The following DLGAP1 variants were observed in gnomAD, a reference collection of about 807,000 sequenced individuals.
The protein encoded by DLGAP1 is disks large-associated protein 1.
DLGAP1 carries 11 observed loss-of-function variants against 90.8 expected under a neutral mutation model. That is an observed-to-expected ratio of 0.12 (90% CI 0.08 to 0.20). DLGAP1 has a LOEUF of 0.20. Among genes scored for constraint, DLGAP1 ranks in the 10% least tolerant of loss-of-function variants. DLGAP1 has a pLI of 1.00. For synonymous variants in DLGAP1, 558 were observed against 540.7 expected (o/e 1.03, Z -0.44); for missense variants, 1,050 against 1,333.8 (o/e 0.79, Z 3.31).
intron 1 of DLGAP1, among the ~76,000 whole-genome samples, chr18:4,184,137 G>A (rs1422231652): frequency 6.6e-6 from 1 of 152,056 alleles, no homozygotes; most frequent in Middle Eastern, 3.2e-3. Context: ...TTCCTACATT[G>A]GGTCTAACAT....
chr18:4,085,982 A>G (rs1255980396), intron 2 of DLGAP1, among the ~76,000 whole-genome samples: 2 of 152,216 alleles, frequency 1.3e-5, no homozygotes, highest in Non-Finnish European at 2.9e-5. Flanking sequence ...AATTGGTAAC[A>G]TAAATAAGAC....
intron 7 of DLGAP1, among the ~76,000 whole-genome samples, chr18:3,637,389 C>T (rs909806489): frequency 6.6e-6 from 1 of 151,956 alleles, no homozygotes; most frequent in African/African-American, 2.4e-5. Flanking sequence ...AAAGGAGACA[C>T]ACTTCGCTCC....
chr18:3,599,079 T>C (rs986252919), intron 7 of DLGAP1, among the ~76,000 whole-genome samples: 17 of 152,212 alleles, frequency 1.1e-4, no homozygotes, highest in African/African-American at 4.1e-4. Flanking sequence ...CAGCAAAGAC[T>C]GTGTTTAAAA....
intron 7 of DLGAP1, among the ~76,000 whole-genome samples, chr18:3,616,501 G>T (rs566086601): frequency 2.0e-5 from 3 of 152,082 alleles, no homozygotes; most frequent in South Asian, 2.1e-4. Flanking sequence ...TATAATCCCA[G>T]CACTTTGGGA....
Position 3,879,533 on chromosome 18 carries a change from C to G in DLGAP1, c.536G>C (p.Gly179Ala). 1 of 1,600,268 alleles carries G rather than the reference C, an allele frequency of 6.2e-7. No individual in the cohort carries two copies. The highest frequency in any genetic ancestry group is 8.5e-7 in the Non-Finnish European group (1 of 1,178,456). ...CCGCTCCTTGCTCTTGCTGCGTTTGCCATAGCGCGCCGCCTGCGCCTCGTC... is the reference window on the plus strand; with the variant it reads ...CCGCTCCTTGCTCTTGCTGCGTTTGGCATAGCGCGCCGCCTGCGCCTCGTC... Reference protein sequence around the residue: ...SPDEAQAARYGKRSKSKERRA... With the variant: ...SPDEAQAARYAKRSKSKERRA... Residue 179 changes from glycine to alanine, a missense_variant, in exon 4 of 13, where the codon GGC (glycine) becomes GCC (alanine). By Grantham distance (60) the Gly-to-Ala change is moderately conservative. Transcript: ENST00000315677. The surrounding 1 kb of genome is among the most constrained non-coding windows in gnomAD (Gnocchi z 6.6).
chr18:4,311,881 A>G (rs1359244751), intron 1 of DLGAP1, among the ~76,000 whole-genome samples: 5 of 152,042 alleles, frequency 3.3e-5, no homozygotes, highest in African/African-American at 7.2e-5. Context: ...ACGCCCGGCT[A>G]ATTTTTGTAG....
At chr18:4,346,902 T>C (rs187817334) in intron 1 of DLGAP1, among the ~76,000 whole-genome samples, 1 of 152,178 alleles carries the variant, frequency 6.6e-6, no homozygotes, top group Non-Finnish European at 1.5e-5. Context: ...AGTAACTCTA[T>C]AAATAAATAC....
At chr18:4,353,400 C>T (rs1408413820) in intron 1 of DLGAP1, among the ~76,000 whole-genome samples, 5 of 152,156 alleles carry the variant, frequency 3.3e-5, no homozygotes, top group Non-Finnish European at 7.3e-5. Flanking sequence ...CAAGGACCTT[C>T]GAAAGTGAGC....
rs749071471 is a variant in DLGAP1 at position 3,727,142 on chromosome 18, C to T, written c.1591+1993G>A. Among the ~76,000 whole-genome samples, 1 of 152,124 alleles carries T rather than the reference C, an allele frequency of 6.6e-6. No homozygotes were observed. Among genetic ancestry groups the T allele is most frequent in the African/African-American group, 2.4e-5 (1 of 41,426 alleles). ...ATGCAATATTTGGGATATACCTATCCAGCAGAATTATTCACTCTTTACCTG... is the reference window on the plus strand; with the variant it reads ...ATGCAATATTTGGGATATACCTATCTAGCAGAATTATTCACTCTTTACCTG... On this transcript the variant is annotated intron_variant, in intron 7 of 12. Coordinates refer to ENST00000315677, the MANE Select transcript of DLGAP1 (RefSeq NM_004746.4). The surrounding 1 kb of genome is among the most constrained non-coding windows in gnomAD (Gnocchi z 4.7).
chr18:4,029,974 A>C (rs2074767481), intron 2 of DLGAP1, among the ~76,000 whole-genome samples: 1 of 152,142 alleles, frequency 6.6e-6, no homozygotes, highest in African/African-American at 2.4e-5. Context: ...CTCCCACTAG[A>C]ATGTAAACTC....
chr18:4,212,630 CAAA>C (rs3041113), intron 1 of DLGAP1, among the ~76,000 whole-genome samples: 12 of 121,876 alleles, frequency 9.8e-5, no homozygotes, highest in Middle Eastern at 4.3e-3. Flanking sequence ...GACTCCATCT[CAAA>C]AAAAAAAAAA....
rs146772913 is a variant in DLGAP1 at position 4,381,556 on chromosome 18, T to G, written c.-267+73450A>C. On this transcript the variant is annotated intron_variant, in intron 1 of 12. Coordinates refer to ENST00000315677, the MANE Select transcript of DLGAP1 (RefSeq NM_004746.4). ...GTTTCTTACCTCCTTTCTAACAGTC[T>G]GTCCTGCTTTTCCTTTCTGTTAATT... 1.1e-3 allele frequency among the ~76,000 whole-genome samples: 160 copies of G among 152,316 alleles called. 1 individual carries two copies. The East Asian group carries it at 0.03, about 28-fold the overall frequency.
intron 3 of DLGAP1, among the ~76,000 whole-genome samples, chr18:3,936,163 G>A (rs888138360): frequency 6.6e-6 from 1 of 152,116 alleles, no homozygotes; most frequent in African/African-American, 2.4e-5. Context: ...TTCTTTGCAA[G>A]CCCAAGTCTG....
At chr18:3,522,135 C>CTTTTTTT (rs11374414) in intron 10 of DLGAP1, among the ~76,000 whole-genome samples, 1 of 98,244 alleles carries the variant, frequency 1.0e-5, no homozygotes, top group African/African-American at 4.0e-5. Flanking sequence ...TTCTTTCTTG[C>CTTTTTTT]TTTTTTTTTT....
At chr18:4,326,138 C>T (rs1214146241) in intron 1 of DLGAP1, among the ~76,000 whole-genome samples, 1 of 151,896 alleles carries the variant, frequency 6.6e-6, no homozygotes, top group Non-Finnish European at 1.5e-5. Flanking sequence ...TATCCAGAAT[C>T]TATAAGAAAC....
At chr18:3,588,517 C>T (rs895887666) in intron 7 of DLGAP1, among the ~76,000 whole-genome samples, 9 of 151,486 alleles carry the variant, frequency 5.9e-5, no homozygotes, top group African/African-American at 2.2e-4. Flanking sequence ...TGCGGTGGCT[C>T]GCTCCTGTAA....
At chr18:4,090,104 A>G (rs557742094) in intron 2 of DLGAP1, among the ~76,000 whole-genome samples, 18 of 152,326 alleles carry the variant, frequency 1.2e-4, no homozygotes, top group African/African-American at 4.3e-4. Flanking sequence ...AACTCAAGAT[A>G]GATTAAAGAC....
At chr18:4,432,919 T>C (rs1294762758) in intron 1 of DLGAP1, among the ~76,000 whole-genome samples, 2 of 152,000 alleles carry the variant, frequency 1.3e-5, no homozygotes, top group African/African-American at 4.8e-5. Flanking sequence ...TCAGTTCATA[T>C]AGGTCTTTTT....
chr18:3,606,700 G>A (rs1161482946), intron 7 of DLGAP1: 1 of 152,130 alleles, frequency 6.6e-6, no homozygotes, highest in Non-Finnish European at 1.5e-5. Context: ...GATTACGGGT[G>A]ATTTTTACTT....
Sources: gnomAD v4.1 joint callset for allele counts (sites outside exome capture counted in the v4.1 genomes callset) on GRCh38, gnomAD v4.1.1 for gene constraint, Gnocchi (gnomAD v3.1) non-coding constraint, MANE v1.5 for transcripts, NCBI Gene and HGNC (gene_info 2026-07-23, HGNC 2026-07-21) for gene names.